CDC40: variants seen among roughly 807,000 people sequenced by gnomAD.
CDC40 encodes the protein cell division cycle 40.
A neutral mutation model predicts 80.6 loss-of-function variants in CDC40; 27 were observed. The observed-to-expected ratio is 0.33, with a 90% CI of 0.25 to 0.46. The LOEUF is 0.46. Ranked by LOEUF, CDC40 falls within the 20% of genes least tolerant of loss-of-function variation. CDC40 has a pLI of 1.00. For missense variants in CDC40, 486 were observed against 694.1 expected, an observed-to-expected ratio of 0.70 and a Z score of 3.37; for synonymous variants, 221 against 232.6, an observed-to-expected ratio of 0.95 and a Z score of 0.45.
At chr6:110,186,513 T>C (rs1189110524) in intron 1 of CDC40, among the ~76,000 whole-genome samples, 1 of 152,044 alleles carries the variant, frequency 6.6e-6, no homozygotes, top group African/African-American at 2.4e-5. Flanking sequence ...AATAAATACA[T>C]AAAATGCTTT....
chr6:110,230,148 A>G lies in CDC40; in HGVS notation c.*17A>G, dbSNP rs749997907. The stretch of plus-strand genomic sequence containing the variant: ...TGGGATTAATGAGATTAATCCTTAA[A>G]CTAGCTGGGATCATTTTTGATCCAT... On this transcript the variant is annotated 3_prime_UTR_variant, in exon 15 of 15. Transcript: ENST00000307731. The G allele has an allele frequency of 1.2e-4, 185 of 1,511,062 alleles. No individual in the cohort carries two copies. Among genetic ancestry groups the G allele is most frequent in the Middle Eastern group, 7.4e-4 (4 of 5,378 alleles). The allele number at this position is 1,511,062 out of a possible 1,614,324, so 93.6% of individuals were successfully genotyped here.
Position 110,201,670 on chromosome 6 carries a change from G to A in CDC40, c.389G>A (p.Arg130Lys). Reference sequence around the variant, plus strand: ...GATTTCATGTTTGAGCAGCAAAGGAGAACTTTTGCAACATATGGTAAGGTG... The same window carrying A: ...GATTTCATGTTTGAGCAGCAAAGGAAAACTTTTGCAACATATGGTAAGGTG... ...INDFMFEQQRRTFATYGYALD... is the reference protein window; with the variant it reads ...INDFMFEQQRKTFATYGYALD... Residue 130 changes from arginine to lysine, a missense_variant, in exon 3 of 15, where the codon AGA (arginine) becomes AAA (lysine). This residue lies in a region of CDC40 where 381 missense variants were observed against 492.1 expected (regional missense o/e 0.77). Transcript: ENST00000307731. 1 of 1,613,408 alleles carries A rather than the reference G, an allele frequency of 6.2e-7. No individual in the cohort carries two copies.
intron 1 of CDC40, among the ~76,000 whole-genome samples, chr6:110,186,158 C>T (rs920363444): frequency 1.3e-5 from 2 of 152,182 alleles, no homozygotes; most frequent in Non-Finnish European, 2.9e-5. Flanking sequence ...TCTTACATCT[C>T]ATATGCAAGA....
chr6:110,208,232 A>G (rs548794934), intron 4 of CDC40, among the ~76,000 whole-genome samples: 2 of 152,304 alleles, frequency 1.3e-5, no homozygotes, highest in Admixed American at 1.3e-4. Flanking sequence ...GTCTCTGTAT[A>G]TGAGCTAGAT....
chr6:110,191,678 A>G (rs1777350960), intron 1 of CDC40, among the ~76,000 whole-genome samples: 1 of 152,196 alleles, frequency 6.6e-6, no homozygotes, highest in Non-Finnish European at 1.5e-5. Context: ...CCAAGGCAGG[A>G]TTGTTCCTTG....
At chr6:110,194,467 G>A (rs1777392353) in intron 2 of CDC40, among the ~76,000 whole-genome samples, 3 of 152,200 alleles carry the variant, frequency 2.0e-5, no homozygotes, top group African/African-American at 7.2e-5. Context: ...CCATTGAAAT[G>A]TGTAGCACAG....
chr6:110,202,607 A>G (rs1445531644), intron 3 of CDC40, among the ~76,000 whole-genome samples: 1 of 152,158 alleles, frequency 6.6e-6, no homozygotes, highest in Non-Finnish European at 1.5e-5. Flanking sequence ...TTCTTCTTAA[A>G]TTACCTTATA....
intron 4 of CDC40, 100 bp downstream of exon 4, chr6:110,207,689 GCT>G: frequency 1.5e-6 from 1 of 687,546 alleles, no homozygotes; most frequent in Non-Finnish European, 2.6e-6. Context: ...AGTATTTAGC[GCT>G]TTTTTTTTTA....
intron 3 of CDC40, among the ~76,000 whole-genome samples, chr6:110,204,411 A>G (rs912586691): frequency 2.0e-5 from 3 of 151,982 alleles, no homozygotes; most frequent in Non-Finnish European, 4.4e-5. Flanking sequence ...GTTTGATTCC[A>G]GTTTTCACTA....
intron 12 of CDC40, among the ~76,000 whole-genome samples, chr6:110,220,506 G>A (rs372303697): frequency 6.4e-4 from 87 of 136,482 alleles, no homozygotes; most frequent in African/African-American, 2.0e-3. Context: ...CTGCAGTGGC[G>A]CAATCTCAGC....
At chr6:110,223,801 G>GGTTTGGTTTT (rs1554208910) in intron 12 of CDC40, among the ~76,000 whole-genome samples, 222 of 143,354 alleles carry the variant, frequency 1.5e-3, no homozygotes, top group Non-Finnish European at 2.6e-3. Flanking sequence ...CAACTTGTAG[G>GGTTTGGTTTT]GTTTTGTTTT....
Position 110,209,220 on chromosome 6 carries a change from A to G in CDC40, c.627A>G (p.Ser209=). 6.2e-7 allele frequency: 1 copy of G among 1,612,744 alleles called. No homozygotes were observed. Among genetic ancestry groups the G allele is most frequent in the Non-Finnish European group, 8.5e-7 (1 of 1,178,964 alleles). ...ATGAAAAAGATGTAGCCAAACCTTCAGAAGTAAGCTTTGATGTTTTTAATT... is the reference window on the plus strand; with the variant it reads ...ATGAAAAAGATGTAGCCAAACCTTCGGAAGTAAGCTTTGATGTTTTTAATT... ...YVDEKDVAKP[S]EEEQKELDEI... Residue 209 remains serine (S), a synonymous_variant, in exon 5 of 15, where the codon TCA becomes TCG. Transcript: ENST00000307731.
At chr6:110,183,938 T>G (rs971125699) in intron 1 of CDC40, among the ~76,000 whole-genome samples, 18 of 152,192 alleles carry the variant, frequency 1.2e-4, no homozygotes, top group Admixed American at 8.5e-4. Flanking sequence ...TTGTGTGTGT[T>G]GCAAATTTTT....
At chr6:110,222,827 T>A (rs1325628726) in intron 12 of CDC40, among the ~76,000 whole-genome samples, 1 of 152,238 alleles carries the variant, frequency 6.6e-6, no homozygotes, top group Non-Finnish European at 1.5e-5. Context: ...TAGTGCTGAA[T>A]CTGTAAAGAA....
At chr6:110,219,991 T>C (rs534332744) in intron 12 of CDC40, 122 bp downstream of exon 12, 429 of 964,256 alleles carry the variant, frequency 4.4e-4, no homozygotes, top group Non-Finnish European at 6.0e-4. Context: ...TGATCCTGGC[T>C]TGCCAATCAA....
At chr6:110,193,732 G>A (rs1777382890) in intron 2 of CDC40, among the ~76,000 whole-genome samples, 1 of 152,124 alleles carries the variant, frequency 6.6e-6, no homozygotes, top group African/African-American at 2.4e-5. Context: ...TTCTCCAAAA[G>A]TTCAGGTAGT....
intron 14 of CDC40, 59 bp from the exon 15 acceptor site, chr6:110,229,895 T>C: frequency 1.7e-6 from 2 of 1,168,926 alleles, no homozygotes; most frequent in East Asian, 4.8e-5. Context: ...CTATTCCTCA[T>C]TCGCCTTACC....
chr6:110,183,765 C>T (rs747070903), intron 1 of CDC40, among the ~76,000 whole-genome samples: 10 of 152,074 alleles, frequency 6.6e-5, no homozygotes, highest in Non-Finnish European at 1.3e-4. Context: ...ATTTTTGCAG[C>T]GTTTTTAATC....
chr6:110,209,052 T>G lies in CDC40; in HGVS notation c.491-32T>G, dbSNP rs1476075446. 6.7e-6 allele frequency: 8 copies of G among 1,200,010 alleles called. No homozygotes were observed. The African/African-American group carries it at 8.1e-5, about 12-fold the overall frequency. The allele number at this position is 1,200,010 out of a possible 1,614,324, so 74.3% of individuals were successfully genotyped here. ...AATGTACATCTTTGTAATCTCTCAGTTTTTTTTTTAATTTTTTTTTTGTTA... is the reference window on the plus strand; with the variant it reads ...AATGTACATCTTTGTAATCTCTCAGGTTTTTTTTTAATTTTTTTTTTGTTA... On this transcript the variant is annotated intron_variant, in intron 4 of 14. Coordinates refer to ENST00000307731, the MANE Select transcript of CDC40 (RefSeq NM_015891.3).
Sources: gnomAD v4.1 joint callset for allele counts (sites outside exome capture counted in the v4.1 genomes callset) on GRCh38, gnomAD v4.1.1 for gene constraint, gnomAD v4.1.1 regional missense constraint, MANE v1.5 for transcripts, NCBI Gene and HGNC (gene_info 2026-07-23, HGNC 2026-07-21) for gene names.